Variants in SNTG1 observed in about 807,000 individuals in gnomAD.
The protein encoded by SNTG1 is syntrophin gamma 1.
In SNTG1, 39 loss-of-function variants were observed where a neutral mutation model predicts 74.7. The ratio of observed to expected loss-of-function variants is 0.52; its 90% CI spans 0.40 to 0.68. The LOEUF (loss-of-function observed/expected upper bound fraction) is 0.68, where lower values mean the gene tolerates loss of function less well. SNTG1 is among the 30% of genes least tolerant of loss of function. The probability of loss-of-function intolerance (pLI) is 0.00; values close to 1 mark genes in which losing one functional copy is unlikely to be tolerated. For synonymous variants in SNTG1, 254 were observed against 217.1 expected, an observed-to-expected ratio of 1.17 and a Z score of -1.49; for missense variants, 685 against 609.5, an observed-to-expected ratio of 1.12 and a Z score of -1.30.
intron 13 of SNTG1, among the ~76,000 whole-genome samples, chr8:50,629,834 C>T (rs1486956803): frequency 6.6e-6 from 1 of 152,112 alleles, no homozygotes; most frequent in African/African-American, 2.4e-5. Flanking sequence ...GTAGTTGATA[C>T]ATCTTATAAC....
intron 5 of SNTG1, among the ~76,000 whole-genome samples, chr8:50,439,795 A>AAATCCATG (rs899002185): frequency 6.6e-6 from 1 of 150,422 alleles, no homozygotes; most frequent in African/African-American, 2.4e-5. Flanking sequence ...AGATACTAGA[A>AAATCCATG]AATCCATGAA....
chr8:50,465,721 G>C (rs1331332863), intron 8 of SNTG1, among the ~76,000 whole-genome samples: 1 of 152,042 alleles, frequency 6.6e-6, no homozygotes, highest in Non-Finnish European at 1.5e-5. Context: ...TTTTAGATTG[G>C]CTTTTTTCAC....
In SNTG1 at chr8:50,449,444, A is replaced by G. The variant is rs146796638; in HGVS notation, c.220-224A>G. Among the ~76,000 whole-genome samples the G allele has an allele frequency of 1.6e-3, 237 of 152,378 alleles. 2 individuals carry two copies. The highest frequency in any genetic ancestry group is 5.6e-3 in the African/African-American group (234 of 41,592). Reference sequence around the variant, plus strand: ...CATAATCAATATTTGTTGATAAATGAAAACTTTCAAAGCCAATTGTTATTA... The same window carrying G: ...CATAATCAATATTTGTTGATAAATGGAAACTTTCAAAGCCAATTGTTATTA... On this transcript the variant is annotated intron_variant, in intron 5 of 18. Coordinates refer to ENST00000642720, the MANE Select transcript of SNTG1 (RefSeq NM_018967.5).
intron 2 of SNTG1, among the ~76,000 whole-genome samples, chr8:50,390,348 C>T (rs1200482396): frequency 6.6e-6 from 1 of 151,450 alleles, no homozygotes. Flanking sequence ...GGAATCGTTT[C>T]CCCATTTTTT....
chr8:50,613,704 G>T (rs933865383), intron 13 of SNTG1, among the ~76,000 whole-genome samples: 3 of 152,028 alleles, frequency 2.0e-5, no homozygotes, highest in Non-Finnish European at 4.4e-5. Context: ...CTGAGTATCA[G>T]ATTTTAAATT....
At chr8:49,953,522 C>T (rs1315123335) in intron 1 of SNTG1, among the ~76,000 whole-genome samples, 1 of 152,072 alleles carries the variant, frequency 6.6e-6, no homozygotes, top group African/African-American at 2.4e-5. Context: ...TCTGAAGATG[C>T]CCACAGAAGG....
chr8:50,575,444 G>C (rs975812390), intron 12 of SNTG1, among the ~76,000 whole-genome samples: 1 of 152,088 alleles, frequency 6.6e-6, no homozygotes, highest in Non-Finnish European at 1.5e-5. Flanking sequence ...TACATTTGTG[G>C]GGTGGCATCT....
At chr8:50,441,847 A>G (rs1355328812) in intron 5 of SNTG1, among the ~76,000 whole-genome samples, 2 of 152,208 alleles carry the variant, frequency 1.3e-5, no homozygotes, top group Non-Finnish European at 1.5e-5. Context: ...GATTTAGGGT[A>G]GGAATTACTG....
chr8:50,758,292 C>T (rs565421505), intron 18 of SNTG1, among the ~76,000 whole-genome samples: 7 of 151,598 alleles, frequency 4.6e-5, no homozygotes, highest in Admixed American at 1.3e-4. Flanking sequence ...GTCTTTTTTC[C>T]GTGTATTATG....
At chr8:49,991,298 T>C (rs777706820) in intron 1 of SNTG1, among the ~76,000 whole-genome samples, 2 of 152,010 alleles carry the variant, frequency 1.3e-5, no homozygotes, top group African/African-American at 2.4e-5. Flanking sequence ...ATAGAAAGTG[T>C]TGATGGGGAT....
At chr8:50,505,310 T>C (rs560074066) in intron 9 of SNTG1, among the ~76,000 whole-genome samples, 8 of 152,304 alleles carry the variant, frequency 5.3e-5, no homozygotes, top group African/African-American at 1.9e-4. Flanking sequence ...TGTACAAATA[T>C]CATTCACAAC....
chr8:50,780,261 T>C (rs1392895247), intron 18 of SNTG1, among the ~76,000 whole-genome samples: 1 of 152,196 alleles, frequency 6.6e-6, no homozygotes, highest in Non-Finnish European at 1.5e-5. Flanking sequence ...TTGGTTGGAA[T>C]AGTTTCAGAA....
chr8:50,086,661 G>A (rs150009938), intron 1 of SNTG1, among the ~76,000 whole-genome samples: 43 of 152,214 alleles, frequency 2.8e-4, no homozygotes, highest in African/African-American at 1.0e-3. Flanking sequence ...TAAGATACAA[G>A]AGAATGGCAA....
At chr8:50,150,573 T>G (rs1480764201) in intron 1 of SNTG1, among the ~76,000 whole-genome samples, 1 of 152,228 alleles carries the variant, frequency 6.6e-6, no homozygotes, top group Non-Finnish European at 1.5e-5. Context: ...GTCCCATTAA[T>G]ACCTAATTTA....
chr8:50,126,170 A>G lies in SNTG1; in HGVS notation c.-102-46391A>G, dbSNP rs562891501. On this transcript the variant is annotated intron_variant, in intron 1 of 18. Coordinates refer to ENST00000642720, the MANE Select transcript of SNTG1 (RefSeq NM_018967.5). The stretch of plus-strand genomic sequence containing the variant: ...CCAGGGAAATTCAGGGACTCCATTT[A>G]TCTGCATGACTCAGTAATGAAAACA... Among the ~76,000 whole-genome samples, 3 of 152,224 alleles carry G rather than the reference A, an allele frequency of 2.0e-5. No individual in the cohort carries two copies. In the East Asian group the frequency reaches 5.8e-4, roughly 29 times the overall value.
rs16914261 is a variant in SNTG1 at position 50,082,780 on chromosome 8, C to G, written c.-102-89781C>G. Among the ~76,000 whole-genome samples, 805 of 152,260 alleles carry G rather than the reference C, an allele frequency of 5.3e-3. 11 individuals are homozygous for G. The highest frequency in any genetic ancestry group is 0.018 in the African/African-American group (760 of 41,542). On this transcript the variant is annotated intron_variant, in intron 1 of 18. Transcript: ENST00000642720. ...AGAATGTTTGGATGCCTTAGCACCC[C>G]TCTACTCTCTGCTGGACACACACAG...
intron 1 of SNTG1, among the ~76,000 whole-genome samples, chr8:50,059,830 G>A (rs1820325195): frequency 6.6e-6 from 1 of 152,050 alleles, no homozygotes; most frequent in Admixed American, 6.6e-5. Context: ...TGTGGACATA[G>A]TGTTGTCATT....
intron 1 of SNTG1, among the ~76,000 whole-genome samples, chr8:50,104,638 C>A (rs143201263): frequency 0.022 from 3,413 of 152,150 alleles, 53 homozygotes; most frequent in South Asian, 0.033. Flanking sequence ...TTTTCTAATT[C>A]TTTTCATTGT....
intron 4 of SNTG1, among the ~76,000 whole-genome samples, chr8:50,417,439 G>A (rs749232986): frequency 2.0e-5 from 3 of 152,108 alleles, no homozygotes; most frequent in East Asian, 1.9e-4. Context: ...TTAGCATGTA[G>A]AATTATACTT....
Sources: gnomAD v4.1 joint callset for allele counts (sites outside exome capture counted in the v4.1 genomes callset) on GRCh38, gnomAD v4.1.1 for gene constraint, MANE v1.5 for transcripts, NCBI Gene and HGNC (gene_info 2026-07-23, HGNC 2026-07-21) for gene names.